Variants in SNX29 observed in about 807,000 individuals in gnomAD.
The protein encoded by SNX29 is sorting nexin 29.
A neutral mutation model predicts 102.1 loss-of-function variants in SNX29; 78 were observed. That is an observed-to-expected ratio of 0.76 (90% CI 0.64 to 0.92). SNX29 has a LOEUF of 0.92. Among genes scored for constraint, SNX29 ranks in the 40% least tolerant of loss-of-function variants. The pLI is 0.00. For synonymous variants in SNX29, 580 were observed against 414.5 expected (o/e 1.40, Z -4.85); for missense variants, 1,280 against 1,061.7 (o/e 1.21, Z -2.86).
At chr16:12,393,791 T>C (rs1324042121) in intron 16 of SNX29, among the ~76,000 whole-genome samples, 1 of 152,276 alleles carries the variant, frequency 6.6e-6, no homozygotes, top group East Asian at 1.9e-4. Context: ...TGTGAGACCA[T>C]GAAGTCCTTG....
chr16:12,010,489 G>C (rs370425632), intron 3 of SNX29, among the ~76,000 whole-genome samples: 14 of 152,198 alleles, frequency 9.2e-5, no homozygotes, highest in African/African-American at 2.9e-4. Flanking sequence ...AGCCAGGTGC[G>C]GTGGTGCAGG....
At chr16:12,531,144 G>A (rs536915264) in intron 20 of SNX29, among the ~76,000 whole-genome samples, 5 of 152,336 alleles carry the variant, frequency 3.3e-5, no homozygotes, top group African/African-American at 1.2e-4. Flanking sequence ...GATATGCAGG[G>A]TTTGATCTGG....
At chr16:12,264,593 C>T (rs1357194873) in intron 14 of SNX29, among the ~76,000 whole-genome samples, 1 of 152,138 alleles carries the variant, frequency 6.6e-6, no homozygotes, top group Non-Finnish European at 1.5e-5. Context: ...ACGAGCCTGG[C>T]TAACAAGGTG....
intron 18 of SNX29, among the ~76,000 whole-genome samples, chr16:12,476,427 T>TATATATATATAC (rs2087650138): frequency 1.2e-5 from 1 of 85,446 alleles, no homozygotes; most frequent in Non-Finnish European, 2.2e-5. Flanking sequence ...TATATATATA[T>TATATATATATAC]ATATATATAT....
rs543771508 is a variant in SNX29, at chr16:12,545,246, A to G, written c.2318+20405A>G. Among the ~76,000 whole-genome samples, 17 of 152,340 alleles carry G rather than the reference A, an allele frequency of 1.1e-4. No homozygotes were observed. In the South Asian group the frequency reaches 3.1e-3, roughly 28 times the overall value. The stretch of plus-strand genomic sequence containing the variant: ...GACAGGGAAAGGGCCTCTGTTCTCA[A>G]GTGGCTCCAAAGAGTACTGTTGAGA... On this transcript the variant is annotated intron_variant, in intron 20 of 20. Transcript: ENST00000566228.
At chr16:12,070,326 C>T (rs556495491) in intron 10 of SNX29, among the ~76,000 whole-genome samples, 2 of 112,570 alleles carry the variant, frequency 1.8e-5, no homozygotes, top group South Asian at 3.8e-4. Context: ...ATCCCTCCCC[C>T]CTCCCCCCAC....
chr16:12,061,694 C>T (rs557937610), intron 9 of SNX29, 48 bp downstream of exon 9: 94 of 1,506,068 alleles, frequency 6.2e-5, no homozygotes, highest in South Asian at 4.5e-4. Flanking sequence ...GCTTTGGCTT[C>T]GAGAACCAGC....
chr16:12,046,563 C>G, intron 6 of SNX29, 109 bp downstream of exon 6: 4 of 960,594 alleles, frequency 4.2e-6, no homozygotes, highest in Non-Finnish European at 6.6e-6. Flanking sequence ...TGTCCCTCAA[C>G]AACTCAATGA....
At position 12,570,864 on chromosome 16, in the gene SNX29, C is replaced by G. The variant is rs373353831; in HGVS notation, c.*2235C>G. On this transcript the variant is annotated 3_prime_UTR_variant, in exon 21 of 21. Coordinates refer to ENST00000566228, the MANE Select transcript of SNX29 (RefSeq NM_032167.5). Reference sequence around the variant, plus strand: ...GTATTGAACTGGTGGGAGAAACTGCCTCCTACTTTTATAATACTGAATTAT... The same window carrying G: ...GTATTGAACTGGTGGGAGAAACTGCGTCCTACTTTTATAATACTGAATTAT... The G allele has an allele frequency of 4.3e-6, 1 of 231,926 alleles. No homozygotes were observed. The highest frequency in any genetic ancestry group is 8.5e-6 in the Non-Finnish European group (1 of 117,372). 14.4% of individuals were successfully genotyped at this position (231,926 alleles called of 1,614,324 possible). A position where few individuals can be genotyped will look rare whatever the true frequency, so the allele number is the denominator to read the frequency against.
chr16:11,985,643 T>G (rs755235700), intron 1 of SNX29, among the ~76,000 whole-genome samples: 4 of 152,058 alleles, frequency 2.6e-5, no homozygotes, highest in Admixed American at 6.6e-5. Context: ...GGACCATAAG[T>G]CTAGTCTGGA....
chr16:12,125,605 CTTTTTTTTT>C (rs36212472), intron 11 of SNX29, among the ~76,000 whole-genome samples: 10 of 45,454 alleles, frequency 2.2e-4, no homozygotes, highest in Admixed American at 1.4e-3. Context: ...TGAGATCTCT[CTTTTTTTTT>C]TTTTTTTTTT....
Position 12,048,567 on chromosome 16 carries a change from A to T in SNX29, c.695A>T (p.Lys232Ile), listed in dbSNP as rs1418248066. The change falls in exon 7 of 21, where the codon AAA (lysine) becomes ATA (isoleucine). Residue 232 changes from lysine to isoleucine, a missense_variant. Lys to Ile is a moderately radical substitution (Grantham distance 102). Transcript: ENST00000566228. ...TCCTCTGCCGTCTCCATCCTCATCA[A>T]ACCTGAACAGGAGACCGACCCCTTG... is the stretch of plus-strand genomic sequence containing the variant. ...TASSAVSILI[K>I]PEQETDPLPV... 6.8e-6 allele frequency: 11 copies of T among 1,613,680 alleles called. No individual in the cohort carries two copies. Among genetic ancestry groups the T allele is most frequent in the Admixed American group, 3.3e-5 (2 of 59,980 alleles).
intron 14 of SNX29, among the ~76,000 whole-genome samples, chr16:12,204,360 G>C (rs1013449191): frequency 6.6e-6 from 1 of 152,078 alleles, no homozygotes; most frequent in Non-Finnish European, 1.5e-5. Context: ...AGGCCTGTTC[G>C]TCCTTGTAAA....
At chr16:11,993,957 C>A (rs926775643) in intron 1 of SNX29, among the ~76,000 whole-genome samples, 6 of 152,150 alleles carry the variant, frequency 3.9e-5, no homozygotes, top group African/African-American at 7.2e-5. Flanking sequence ...CCCGTCTCTA[C>A]TAAAAATACA....
chr16:12,540,669 G>C (rs1247042203), intron 20 of SNX29, among the ~76,000 whole-genome samples: 1 of 152,196 alleles, frequency 6.6e-6, no homozygotes, highest in Non-Finnish European at 1.5e-5. Context: ...TGTAACCACA[G>C]CTGCTGGTCC....
Position 12,323,159 on chromosome 16 carries a change from G to A in SNX29, c.1783-33004G>A, listed in dbSNP as rs1419043630. Among the ~76,000 whole-genome samples the A allele has an allele frequency of 3.8e-5, 3 of 79,770 alleles. No homozygotes were observed. In the Admixed American group the frequency reaches 3.9e-4, roughly 10 times the overall value. 52.3% of individuals were successfully genotyped at this position (79,770 alleles called of 152,430 possible). ...CACTGGGGACCACTGTCAGGATGTG[G>A]TCACTGGAGTCACTGGAGTCACCGG... On this transcript the variant is annotated intron_variant, in intron 15 of 20. Coordinates refer to ENST00000566228, the MANE Select transcript of SNX29 (RefSeq NM_032167.5).
intron 20 of SNX29, among the ~76,000 whole-genome samples, chr16:12,555,771 C>T (rs1009122917): frequency 1.3e-4 from 20 of 152,080 alleles, no homozygotes; most frequent in Non-Finnish European, 5.9e-5. Context: ...CTTCAGGCTG[C>T]TCAGTGGCAC....
intron 16 of SNX29, among the ~76,000 whole-genome samples, chr16:12,365,626 G>T (rs2082444840): frequency 6.6e-6 from 1 of 151,204 alleles, no homozygotes; most frequent in South Asian, 2.1e-4. Flanking sequence ...GGTGGCGGAG[G>T]TTGCAATTGA....
At chr16:12,241,660 C>T (rs1024045814) in intron 14 of SNX29, among the ~76,000 whole-genome samples, 3 of 152,158 alleles carry the variant, frequency 2.0e-5, no homozygotes, top group Admixed American at 6.5e-5. Context: ...TGGGGTTTCA[C>T]CATGTTGGCC....
Sources: gnomAD v4.1 joint callset for allele counts (sites outside exome capture counted in the v4.1 genomes callset) on GRCh38, gnomAD v4.1.1 for gene constraint, MANE v1.5 for transcripts, NCBI Gene and HGNC (gene_info 2026-07-23, HGNC 2026-07-21) for gene names.